BRD1: variants seen among roughly 807,000 people sequenced by gnomAD.
BRD1 encodes bromodomain containing 1.
BRD1 carries 24 observed loss-of-function variants against 107.7 expected under a neutral mutation model. The ratio of observed to expected loss-of-function variants is 0.22; its 90% CI spans 0.16 to 0.31. The LOEUF (loss-of-function observed/expected upper bound fraction) is 0.31, where lower values mean the gene tolerates loss of function less well. Ranked by LOEUF, BRD1 falls within the 10% of genes least tolerant of loss-of-function variation. The pLI, the probability that BRD1 is intolerant of heterozygous loss-of-function variation, is 1.00. For missense variants in BRD1, 1,279 were observed against 1,638.6 expected (o/e 0.78, Z 3.79); for synonymous variants, 744 against 686.1 (o/e 1.08, Z -1.32).
At chr22:49,804,064 G>C (rs1156894660) in intron 3 of BRD1, 140 bp downstream of exon 3, 1 of 665,526 alleles carries the variant, frequency 1.5e-6, no homozygotes, top group African/African-American at 1.9e-5. Flanking sequence ...TACAGCTCCA[G>C]GGCTGGACGA....
rs2146888596 is a variant in BRD1 at position 49,774,436 on chromosome 22, A to G, written c.3387-20T>C. ...CACTGCCTTTTTAAAAGGAAAAACA[A>G]GCGGAAAATCATTGCTTGCACATGG... On this transcript the variant is annotated intron_variant, in intron 12 of 12. Coordinates refer to ENST00000404760, the MANE Select transcript of BRD1 (RefSeq NM_001304808.3). 5 of 1,597,608 alleles carry G rather than the reference A, an allele frequency of 3.1e-6. No homozygotes were observed. Among genetic ancestry groups the G allele is most frequent in the South Asian group, 1.1e-5 (1 of 89,746 alleles).
chr22:49,787,750 A>G lies in BRD1; in HGVS notation c.2497T>C (p.Phe833Leu). The G allele has an allele frequency of 6.4e-7, 1 of 1,550,872 alleles. No individual in the cohort carries two copies. ...CAAGCGCTATGTGATTCATTATCAA[A>G]TGTGACTCTTTTGAAAAGTTTACTC... ...EQSKLFKRVT[F>L]DNESHSACTQ... is the part of the protein sequence containing the mutation. The change falls in exon 8 of 13, where the codon TTT becomes CTT. Residue 833 changes from phenylalanine (F) to leucine (L), a missense_variant. Phe to Leu is a conservative substitution (Grantham distance 22). Transcript: ENST00000404760.
At chr22:49,800,912 A>C (rs1237719298) in intron 3 of BRD1, among the ~76,000 whole-genome samples, 3 of 132,978 alleles carry the variant, frequency 2.3e-5, no homozygotes, top group Non-Finnish European at 3.2e-5. Flanking sequence ...GGCGACGGTC[A>C]GGTTAAAATC....
chr22:49,788,024 G>T, intron 7 of BRD1, 137 bp from the exon 8 acceptor site: 2 of 898,024 alleles, frequency 2.2e-6, no homozygotes, highest in Non-Finnish European at 3.2e-6. Context: ...TGTCTGCTCG[G>T]CAGTGTGGGC....
chr22:49,818,986 G>A (rs781349123), intron 2 of BRD1, among the ~76,000 whole-genome samples: 9 of 152,162 alleles, frequency 5.9e-5, no homozygotes, highest in Non-Finnish European at 7.4e-5. Context: ...GGCTGGGTGC[G>A]GTGGTTCACG....
Position 49,774,407 on chromosome 22 carries a change from A to T in BRD1, c.3396T>A (p.Leu1132=), listed in dbSNP as rs1359227509. The T allele has an allele frequency of 1.2e-6, 2 of 1,602,746 alleles. No homozygotes were observed. The highest frequency in any genetic ancestry group is 1.7e-6 in the Non-Finnish European group (2 of 1,172,138). ...FFDNKRSWQW[L]PKSKMVPLGI... is the part of the protein sequence containing the mutation. Reference sequence around the variant, plus strand: ...CAAGGGGAACCATTTTGGACTTAGGAAGCCACTGCCTTTTTAAAAGGAAAA... The same window carrying T: ...CAAGGGGAACCATTTTGGACTTAGGTAGCCACTGCCTTTTTAAAAGGAAAA... Residue 1132 remains leucine (L), a synonymous_variant, in exon 13 of 13, where the codon CTT becomes CTA. Coordinates refer to ENST00000404760, the MANE Select transcript of BRD1 (RefSeq NM_001304808.3).
chr22:49,786,789 A>C (rs2059333786), intron 8 of BRD1, among the ~76,000 whole-genome samples: 1 of 152,042 alleles, frequency 6.6e-6, no homozygotes, highest in African/African-American at 2.4e-5. Context: ...TTAAAACTAC[A>C]CCTGAATTCA....
chr22:49,776,710 C>T (rs992648104), intron 10 of BRD1, among the ~76,000 whole-genome samples: 4 of 152,240 alleles, frequency 2.6e-5, no homozygotes, highest in African/African-American at 9.6e-5. Flanking sequence ...CAGTCAGTCC[C>T]CTGTGCAGCT....
At chr22:49,798,174 T>C in intron 5 of BRD1, 57 bp from the exon 6 acceptor site, 1 of 1,452,936 alleles carries the variant, frequency 6.9e-7, no homozygotes, top group Non-Finnish European at 9.4e-7. Context: ...ATTAGTTGAC[T>C]CTATATTTAT....
At position 49,819,415 on chromosome 22, in the gene BRD1, T is replaced by C. The variant is rs151288058; in HGVS notation, c.1367+3536A>G. 4.0e-3 allele frequency among the ~76,000 whole-genome samples: 607 copies of C among 151,902 alleles called. 9 individuals carry two copies. Among genetic ancestry groups the C allele is most frequent in the Non-Finnish European group, 2.1e-3 (145 of 67,926 alleles). On this transcript the variant is annotated intron_variant, in intron 2 of 12. Coordinates refer to ENST00000404760, the MANE Select transcript of BRD1 (RefSeq NM_001304808.3). ...AAAAAATAAAAACATTAGCAGGGCA[T>C]GGTGGCACATGCCTGTGGTCCCAGC... is the stretch of plus-strand genomic sequence containing the variant.
At chr22:49,777,377 A>G (rs1030874528) in intron 9 of BRD1, among the ~76,000 whole-genome samples, 1 of 152,254 alleles carries the variant, frequency 6.6e-6, no homozygotes, top group Non-Finnish European at 1.5e-5. Context: ...GCAGACAGGC[A>G]GGGCTGTGCT....
intron 8 of BRD1, 62 bp downstream of exon 8, chr22:49,787,328 C>G: frequency 9.1e-7 from 1 of 1,094,370 alleles, no homozygotes; most frequent in Non-Finnish European, 1.2e-6. Flanking sequence ...ACCAATGATC[C>G]TGAAGGACGC....
intron 4 of BRD1, 93 bp downstream of exon 4, chr22:49,798,895 C>G (rs1278967605): frequency 6.7e-7 from 1 of 1,496,338 alleles, no homozygotes; most frequent in African/African-American, 1.4e-5. Flanking sequence ...CCAGGACCCA[C>G]CGGGTGCAGC....
chr22:49,804,033 C>T (rs908311531), intron 3 of BRD1, among the ~76,000 whole-genome samples, 171 bp downstream of exon 3: 7 of 152,232 alleles, frequency 4.6e-5, no homozygotes, highest in African/African-American at 1.7e-4. Flanking sequence ...AGATCCAGAG[C>T]CCAGTGCACC....
intron 2 of BRD1, among the ~76,000 whole-genome samples, chr22:49,815,872 G>C (rs1353826091): frequency 6.6e-6 from 1 of 152,140 alleles, no homozygotes; most frequent in Non-Finnish European, 1.5e-5. Flanking sequence ...CTTCCTTCCC[G>C]AGTGCCCGCC....
chr22:49,777,218 CG>C, intron 9 of BRD1, 57 bp from the exon 10 acceptor site: 1 of 1,598,524 alleles, frequency 6.3e-7, no homozygotes. Context: ...CAGCCTCACT[CG>C]GGCTTCGTCC....
chr22:49,802,646 G>A (rs1183114511), intron 3 of BRD1, among the ~76,000 whole-genome samples: 10 of 125,986 alleles, frequency 7.9e-5, no homozygotes, highest in East Asian at 4.7e-4. Context: ...CCCCAACATC[G>A]CGGGGGCCGA....
intron 4 of BRD1, 22 bp downstream of exon 4, chr22:49,798,966 C>T (rs767744335): frequency 2.6e-5 from 42 of 1,587,844 alleles, no homozygotes; most frequent in South Asian, 5.6e-5. Context: ...GTGCACTCCA[C>T]GCGGGACAGG....
At chr22:49,801,065 C>G (rs1387121371) in intron 3 of BRD1, among the ~76,000 whole-genome samples, 1 of 152,236 alleles carries the variant, frequency 6.6e-6, no homozygotes, top group Non-Finnish European at 1.5e-5. Context: ...CTGGCAGAGG[C>G]CACACACGCA....
Sources: allele counts gnomAD v4.1 joint callset (sites outside exome capture counted in the v4.1 genomes callset), GRCh38; gene constraint gnomAD v4.1.1; transcripts MANE v1.5; gene names NCBI Gene and HGNC (gene_info 2026-07-23, HGNC 2026-07-21).